Variants in MYCBPAP observed in about 807,000 individuals in gnomAD.
The protein encoded by MYCBPAP is MYCBP-associated protein.
Under a neutral mutation model 106.1 loss-of-function variants are expected in MYCBPAP, and 60 were observed. The observed-to-expected ratio is 0.57, with a 90% confidence interval of 0.46 to 0.70. The LOEUF (loss-of-function observed/expected upper bound fraction) is 0.70, where lower values mean the gene tolerates loss of function less well. Among genes scored for constraint, MYCBPAP ranks in the 30% least tolerant of loss-of-function variants. The pLI, the probability that MYCBPAP is intolerant of heterozygous loss-of-function variation, is 0.00. For synonymous variants in MYCBPAP, 407 were observed against 440.6 expected (o/e 0.92, Z 0.95); for missense variants, 1,064 against 1,169.3 (o/e 0.91, Z 1.31).
chr17:50,528,316 T>C lies in MYCBPAP; in HGVS notation c.2407+46T>C, dbSNP rs748752436. On this transcript the variant is annotated intron_variant, in intron 16 of 18. Coordinates refer to ENST00000323776, the MANE Select transcript of MYCBPAP (RefSeq NM_032133.6). Reference sequence around the variant, plus strand: ...CCACACCTCTGCATAGCCCTCCTCATCTCTCTGAATGGACAAGCAGCAGTG... The same window carrying C: ...CCACACCTCTGCATAGCCCTCCTCACCTCTCTGAATGGACAAGCAGCAGTG... 7 of 1,453,760 alleles carry C rather than the reference T, an allele frequency of 4.8e-6. No homozygotes were observed. The Admixed American group carries it at 1.3e-4, about 27-fold the overall frequency. 90.1% of individuals were successfully genotyped at this position (1,453,760 alleles called of 1,614,324 possible).
chr17:50,512,672 A>G (rs890846003), intron 1 of MYCBPAP, among the ~76,000 whole-genome samples: 12 of 152,238 alleles, frequency 7.9e-5, no homozygotes, highest in Non-Finnish European at 1.5e-4. Flanking sequence ...CACATTTTTC[A>G]GTACCTCAAG....
intron 1 of MYCBPAP, among the ~76,000 whole-genome samples, chr17:50,514,339 G>T (rs777198264): frequency 6.6e-6 from 1 of 152,190 alleles, no homozygotes; most frequent in Non-Finnish European, 1.5e-5. Context: ...AAAGATTACG[G>T]TGCTGTAAGA....
Position 50,510,499 on chromosome 17 carries a change from G to GTGTA in MYCBPAP, c.76+1750_76+1751insGTAT, listed in dbSNP as rs1418345705. 702 of 76,378 alleles carry GTGTA rather than the reference G, an allele frequency of 9.2e-3. 5 individuals are homozygous for GTGTA. The highest frequency in any genetic ancestry group is 0.012 in the Non-Finnish European group (476 of 38,402). 4.7% of individuals were successfully genotyped at this position (76,378 alleles called of 1,614,324 possible). On this transcript the variant is annotated intron_variant, in intron 1 of 18. Coordinates refer to ENST00000323776, the MANE Select transcript of MYCBPAP (RefSeq NM_032133.6). The stretch of plus-strand genomic sequence containing the variant: ...TGTGTGTGTGTGTGTGTGTGTGTGT[G>GTGTA]TATATATATATATATATATATATAT...
intron 18 of MYCBPAP, chr17:50,530,314 TA>T: frequency 3.3e-6 from 1 of 301,578 alleles, no homozygotes; most frequent in Non-Finnish European, 6.6e-6. Context: ...GGCAACATGG[TA>T]AGATCCCGTT....
chr17:50,528,360 C>A, intron 16 of MYCBPAP, 90 bp downstream of exon 16: 9 of 1,141,356 alleles, frequency 7.9e-6, no homozygotes, highest in Non-Finnish European at 1.0e-5. Context: ...AGTCATACTC[C>A]TTTGGTGGAA....
chr17:50,509,047 C>A (rs1339159368), intron 1 of MYCBPAP: 3 of 702,800 alleles, frequency 4.3e-6, no homozygotes, highest in Non-Finnish European at 7.8e-6. Context: ...CTTAGGGTGG[C>A]ATGCAGGAGG....
chr17:50,529,656 C>T lies in MYCBPAP; in HGVS notation c.2724+468C>T, dbSNP rs116435366. The T allele has an allele frequency of 2.5e-3, 1,064 of 430,030 alleles. 5 individuals are homozygous for T. The highest frequency in any genetic ancestry group is 0.019 in the African/African-American group (913 of 49,056). 26.6% of individuals were successfully genotyped at this position (430,030 alleles called of 1,614,324 possible). A position where few individuals can be genotyped will look rare whatever the true frequency, so the allele number is the denominator to read the frequency against. ...AGTCACGCAAGGTTTTGAATAGAAA[C>T]GCAATAGGGTCTGATAGGCTTTAGA... On this transcript the variant is annotated intron_variant, in intron 18 of 18. Coordinates refer to ENST00000323776, the MANE Select transcript of MYCBPAP (RefSeq NM_032133.6).
intron 5 of MYCBPAP, 110 bp downstream of exon 5, chr17:50,518,834 T>G: frequency 6.7e-7 from 1 of 1,483,218 alleles, no homozygotes; most frequent in Non-Finnish European, 9.3e-7. Flanking sequence ...ATTTGTGCTT[T>G]CACTCCCAAG....
intron 4 of MYCBPAP, 106 bp downstream of exon 4, chr17:50,517,804 G>C (rs2034108925): frequency 1.1e-6 from 1 of 935,476 alleles, no homozygotes; most frequent in Admixed American, 2.1e-5. Context: ...AGTCTAGTCT[G>C]TAGGTTTTGA....
At chr17:50,509,153 A>C in intron 1 of MYCBPAP, 1 of 702,876 alleles carries the variant, frequency 1.4e-6, no homozygotes, top group South Asian at 1.5e-5. Context: ...GGAAAGAATG[A>C]AGTGTTGAAA....
intron 18 of MYCBPAP, chr17:50,530,093 GAC>G: frequency 2.8e-6 from 1 of 359,596 alleles, no homozygotes; most frequent in South Asian, 2.1e-5. Flanking sequence ...TGCCACTGGT[GAC>G]ATCACTAAGA....
At chr17:50,508,001 G>C (rs1331714961), upstream of MYCBPAP, among the ~76,000 whole-genome samples, 1 of 152,232 alleles carries the variant, frequency 6.6e-6, no homozygotes, top group Non-Finnish European at 1.5e-5. Flanking sequence ...TTTGGGAAGT[G>C]ATGAAAGGCC....
chr17:50,519,905 T>C, intron 7 of MYCBPAP, 118 bp downstream of exon 7: 1 of 1,165,462 alleles, frequency 8.6e-7, no homozygotes, highest in Non-Finnish European at 1.2e-6. Context: ...TTCTCTGTGG[T>C]TCTCTGGGGT....
In MYCBPAP at chr17:50,519,641, G is replaced by A; in HGVS notation, c.770G>A (p.Ser257Asn). 1 of 1,614,100 alleles carries A rather than the reference G, an allele frequency of 6.2e-7. No homozygotes were observed. Among genetic ancestry groups the A allele is most frequent in the Non-Finnish European group, 8.5e-7 (1 of 1,180,004 alleles). Residue 257 changes from serine (S) to asparagine (N), a missense_variant and splice_region_variant, in exon 7 of 19, where the codon AGC (serine) becomes AAC (asparagine). Coordinates refer to ENST00000323776, the MANE Select transcript of MYCBPAP (RefSeq NM_032133.6). ...CTLPTRRDRKSWENSGFWSRL... is the reference protein window; with the variant it reads ...CTLPTRRDRKNWENSGFWSRL... ...GACTCACCTTTCCTTCCTTGCCAGAGCTGGGAGAACAGTGGGTTCTGGAGT... is the reference window on the plus strand; with the variant it reads ...GACTCACCTTTCCTTCCTTGCCAGAACTGGGAGAACAGTGGGTTCTGGAGT...
intron 18 of MYCBPAP, 109 bp from the exon 19 acceptor site, chr17:50,531,218 C>T (rs1486282888): frequency 1.5e-6 from 1 of 668,850 alleles, no homozygotes; most frequent in African/African-American, 1.9e-5. Context: ...AATTCTTTCA[C>T]AAACAACTGG....
rs1394896761 is a variant in MYCBPAP, at chr17:50,508,664, C to T, written c.-11C>T. 4 of 1,600,278 alleles carry T rather than the reference C, an allele frequency of 2.5e-6. No individual in the cohort carries two copies. The highest frequency in any genetic ancestry group is 2.2e-5 in the South Asian group (2 of 89,738). On this transcript the variant is annotated 5_prime_UTR_variant, in exon 1 of 19. Transcript: ENST00000323776. ...GGTGCAGGGCAACGTTTCATGGTGC[C>T]GGGCGGCACCATGAAGTCTCTAAAG... is the stretch of plus-strand genomic sequence containing the variant.
chr17:50,529,037 A>C lies in MYCBPAP; in HGVS notation c.2573A>C (p.Lys858Thr), dbSNP rs780899418. The change falls in exon 18 of 19, where the codon AAG (lysine) becomes ACG (threonine). Residue 858 changes from lysine to threonine, a missense_variant. Transcript: ENST00000323776. ...LGKEDRPNSK[K>T]HKAKDDKKVI... ...CAGCAGGACCGTCCCAACAGCAAGA[A>C]GCACAAGGCAAAGGATGACAAGAAA... The C allele has an allele frequency of 6.2e-7, 1 of 1,614,112 alleles. No individual in the cohort carries two copies. The highest frequency in any genetic ancestry group is 1.3e-5 in the African/African-American group (1 of 75,054).
Position 50,522,008 on chromosome 17 carries a change from C to G in MYCBPAP, c.1184C>G (p.Pro395Arg). ...GCCAGTTCCTCTGATGTCTCCATGC[C>G]TATTCTCGGCCCTTCTCTGCTGTTC... ...TLASSSDVSM[P>R]ILGPSLLFCG... is the part of the protein sequence containing the mutation. Residue 395 changes from proline (P) to arginine (R), a missense_variant, in exon 10 of 19, where the codon CCT (proline) becomes CGT (arginine). Transcript: ENST00000323776. 1 of 1,613,996 alleles carries G rather than the reference C, an allele frequency of 6.2e-7. No individual in the cohort carries two copies. Among genetic ancestry groups the G allele is most frequent in the Non-Finnish European group, 8.5e-7 (1 of 1,179,886 alleles).
At chr17:50,523,532 G>A in intron 11 of MYCBPAP, 65 bp from the exon 12 acceptor site, 1 of 1,531,752 alleles carries the variant, frequency 6.5e-7, no homozygotes, top group South Asian at 1.1e-5. Flanking sequence ...GCATGTAGGA[G>A]CATGTAGGCC....
Sources: allele counts gnomAD v4.1 joint callset (sites outside exome capture counted in the v4.1 genomes callset), GRCh38; gene constraint gnomAD v4.1.1; transcripts MANE v1.5; gene names NCBI Gene and HGNC (gene_info 2026-07-23, HGNC 2026-07-21).